MYPN: variants seen among roughly 807,000 people sequenced by gnomAD.
The protein encoded by MYPN is sarcomeric protein myopalladin, 145 kDa (MYOP).
MYPN carries 63 observed loss-of-function variants against 129.4 expected under a neutral mutation model. That is an observed-to-expected ratio of 0.49 (90% confidence interval 0.40 to 0.60). The LOEUF (loss-of-function observed/expected upper bound fraction) is 0.60. Among genes scored for constraint, MYPN ranks in the 20% least tolerant of loss-of-function variants. The pLI, the probability that MYPN is intolerant of heterozygous loss-of-function variation, is 0.00. For synonymous variants in MYPN, 629 were observed against 600.9 expected (o/e 1.05, Z -0.68); for missense variants, 1,596 against 1,635.4 (o/e 0.98, Z 0.42).
chr10:68,154,460 A>G (rs979997659), intron 6 of MYPN, among the ~76,000 whole-genome samples: 2 of 152,212 alleles, frequency 1.3e-5, no homozygotes, highest in Admixed American at 1.3e-4. Flanking sequence ...CTGGGCCGGT[A>G]GTGGGATCCA....
chr10:68,138,923 C>T (rs1385843345), intron 2 of MYPN, among the ~76,000 whole-genome samples: 3 of 151,870 alleles, frequency 2.0e-5, no homozygotes, highest in African/African-American at 4.9e-5. Flanking sequence ...TTGATGACAC[C>T]ATTTTTTTAC....
upstream of MYPN, among the ~76,000 whole-genome samples, chr10:68,107,343 T>C (rs1282626492): frequency 1.6e-5 from 1 of 62,178 alleles, no homozygotes; most frequent in African/African-American, 2.2e-4. Context: ...TCTCTTTTCT[T>C]TTTTTTTTTT....
Position 68,162,853 on chromosome 10 carries a change from C to T in MYPN, c.1483+1101C>T, listed in dbSNP as rs570364431. Among the ~76,000 whole-genome samples the T allele has an allele frequency of 8.6e-4, 131 of 152,118 alleles. No individual in the cohort carries two copies. In the Middle Eastern group the frequency reaches 0.034, roughly 39 times the overall value. ...AAGGGTTTTGGAGTGGGTTGAAGAG[C>T]GGAGATCACTGGTTGGTTAAAAAGT... On this transcript the variant is annotated intron_variant, in intron 8 of 19. Coordinates refer to ENST00000358913, the MANE Select transcript of MYPN (RefSeq NM_032578.4).
upstream of MYPN, among the ~76,000 whole-genome samples, chr10:68,107,783 T>C (rs1227446323): frequency 6.6e-6 from 1 of 152,208 alleles, no homozygotes; most frequent in Non-Finnish European, 1.5e-5. Flanking sequence ...TAGTATTCTA[T>C]ACCTGGGTGA....
In MYPN at chr10:68,131,605, C is replaced by T. The variant is rs1399377749; in HGVS notation, c.902+9265C>T. On this transcript the variant is annotated intron_variant, in intron 2 of 19. Coordinates refer to ENST00000358913, the MANE Select transcript of MYPN (RefSeq NM_032578.4). Reference sequence around the variant, plus strand: ...GATAGCTTACTGTAATCTTGAACTCCCAGGTTCAGGTGATCCTCCTGCCTG... The same window carrying T: ...GATAGCTTACTGTAATCTTGAACTCTCAGGTTCAGGTGATCCTCCTGCCTG... 2.0e-5 allele frequency among the ~76,000 whole-genome samples: 3 copies of T among 152,112 alleles called. No individual in the cohort carries two copies. The East Asian group carries it at 5.8e-4, about 29-fold the overall frequency.
rs759234608 is a variant in MYPN at position 68,165,798 on chromosome 10, T to C, written c.1580T>C (p.Ile527Thr). The change falls in exon 9 of 20, where the codon ATT becomes ACT. Residue 527 changes from isoleucine to threonine, a missense_variant. Transcript: ENST00000358913. ...ASNKYGTVSS[I>T]AQLHVRGNED... ...AACAAATACGGCACAGTGTCAAGCA[T>C]TGCACAGCTGCACGTGAGAGGTAAG... 1.9e-6 allele frequency: 3 copies of C among 1,614,082 alleles called. No individual in the cohort carries two copies. Among genetic ancestry groups the C allele is most frequent in the South Asian group, 1.1e-5 (1 of 91,090 alleles).
At chr10:68,104,473 AATAATT>A (rs2041997580), upstream of MYPN, among the ~76,000 whole-genome samples, 1 of 152,230 alleles carries the variant, frequency 6.6e-6, no homozygotes, top group South Asian at 2.1e-4. Flanking sequence ...ATTTCAGCAC[AATAATT>A]ATAACAAATA....
rs140063470 is a variant in MYPN at position 68,166,532 on chromosome 10, C to G, written c.1839C>G (p.Ser613=). ...PEDDKGSEAS[S]EAGVVTTRQT... is the part of the protein sequence containing the mutation. Reference sequence around the variant, plus strand: ...ATGACAAAGGAAGTGAAGCATCCTCCGAGGCTGGTGTGGTGACCACCAGAC... The same window carrying G: ...ATGACAAAGGAAGTGAAGCATCCTCGGAGGCTGGTGTGGTGACCACCAGAC... The change falls in exon 10 of 20, where the codon TCC becomes TCG. Residue 613 remains serine (S), a synonymous_variant. Coordinates refer to ENST00000358913, the MANE Select transcript of MYPN (RefSeq NM_032578.4). 2 of 1,614,112 alleles carry G rather than the reference C, an allele frequency of 1.2e-6. No individual in the cohort carries two copies. Among genetic ancestry groups the G allele is most frequent in the South Asian group, 2.2e-5 (2 of 91,074 alleles).
intron 12 of MYPN, among the ~76,000 whole-genome samples, chr10:68,178,674 T>C (rs1267400708): frequency 7.0e-6 from 1 of 143,582 alleles, no homozygotes; most frequent in Non-Finnish European, 1.5e-5. Flanking sequence ...GATCATGCCA[T>C]TGAGCTCCAG....
In MYPN at chr10:68,201,944, C is replaced by A. The variant is rs2134311623; in HGVS notation, c.3609C>A (p.Phe1203Leu). The A allele has an allele frequency of 6.2e-7, 1 of 1,614,110 alleles. No individual in the cohort carries two copies. Among genetic ancestry groups the A allele is most frequent in the Non-Finnish European group, 8.5e-7 (1 of 1,180,022 alleles). The change falls in exon 18 of 20, where the codon TTC becomes TTA. Residue 1203 changes from phenylalanine (F) to leucine (L), a missense_variant. Physicochemically the swap from Phe to Leu is conservative, Grantham distance 22 (BLOSUM62 0). Transcript: ENST00000358913. ...CRVIGMPPPV[F>L]YWKKDNETIP... The stretch of plus-strand genomic sequence containing the variant: ...TGATAGGCATGCCCCCACCTGTGTT[C>A]TACTGGAAGAAAGACAATGAGACCA...
chr10:68,156,749 C>T (rs531134054), intron 6 of MYPN, among the ~76,000 whole-genome samples: 21 of 152,250 alleles, frequency 1.4e-4, no homozygotes, highest in African/African-American at 4.8e-4. Context: ...ACGAAATATT[C>T]GTAACAGCGA....
intron 3 of MYPN, 94 bp from the exon 4 acceptor site, chr10:68,145,381 C>A: frequency 9.8e-7 from 1 of 1,018,678 alleles, no homozygotes; most frequent in South Asian, 1.3e-5. Flanking sequence ...ATCAGGTAAA[C>A]AAAGTATCAT....
intron 1 of MYPN, among the ~76,000 whole-genome samples, chr10:68,089,324 G>C (rs2041920227): frequency 6.6e-6 from 1 of 151,866 alleles, no homozygotes; most frequent in African/African-American, 2.4e-5. Flanking sequence ...GAGCCACTTT[G>C]CCTGGCCTGT....
intron 2 of MYPN, among the ~76,000 whole-genome samples, chr10:68,131,936 G>A (rs981664765): frequency 6.6e-6 from 1 of 151,994 alleles, no homozygotes; most frequent in African/African-American, 2.4e-5. Context: ...TTCAACAACC[G>A]CTAAATTTAT....
Position 68,143,074 on chromosome 10 carries a change from T to A in MYPN, c.1037T>A (p.Ile346Asn). 6.2e-7 allele frequency: 1 copy of A among 1,614,150 alleles called. No homozygotes were observed. The highest frequency in any genetic ancestry group is 1.1e-5 in the South Asian group (1 of 91,086). ...CGCTATTCCTGCTTTGCTTCTAACA[T>A]CTATGGGACAGATTCGACTTCTGCT... ...TGRYSCFASNIYGTDSTSAEI... is the reference protein window; with the variant it reads ...TGRYSCFASNNYGTDSTSAEI... The change falls in exon 3 of 20, where the codon ATC becomes AAC. Residue 346 changes from isoleucine (I) to asparagine (N), a missense_variant. Ile to Asn is a moderately radical substitution (Grantham distance 149). Coordinates refer to ENST00000358913, the MANE Select transcript of MYPN (RefSeq NM_032578.4).
intron 2 of MYPN, among the ~76,000 whole-genome samples, chr10:68,135,034 C>A (rs776091401): frequency 8.5e-5 from 13 of 152,124 alleles, no homozygotes; most frequent in Non-Finnish European, 1.0e-4. Context: ...TCACTGCAAC[C>A]TTTGTCTCCT....
At chr10:68,109,248 CA>C (rs58795025), upstream of MYPN, 12,455 of 175,462 alleles carry the variant, frequency 0.071, 1,256 homozygotes, top group African/African-American at 0.24. Context: ...AAAATAATGC[CA>C]TTTTTTTGAA....
intron 7 of MYPN, 80 bp from the exon 8 acceptor site, chr10:68,161,649 A>ATTCTATAG (rs1196565852): frequency 2.6e-6 from 3 of 1,155,762 alleles, no homozygotes; most frequent in Non-Finnish European, 3.9e-6. Context: ...AGACTGTGAA[A>ATTCTATAG]TTCTATAGGA....
rs183295056 is a variant in MYPN, at chr10:68,124,528, T to G, written c.902+2188T>G. Among the ~76,000 whole-genome samples, 27 of 152,202 alleles carry G rather than the reference T, an allele frequency of 1.8e-4. No individual in the cohort carries two copies. The East Asian group carries it at 1.9e-3, about 11-fold the overall frequency. ...CAAGGGATTCTGGCCCAAAGACATATTCATATATTGATTTTTGCTTTTCAA... is the reference window on the plus strand; with the variant it reads ...CAAGGGATTCTGGCCCAAAGACATAGTCATATATTGATTTTTGCTTTTCAA... On this transcript the variant is annotated intron_variant, in intron 2 of 19. Transcript: ENST00000358913.
Sources: allele counts gnomAD v4.1 joint callset (sites outside exome capture counted in the v4.1 genomes callset), GRCh38; gene constraint gnomAD v4.1.1; transcripts MANE v1.5; gene names NCBI Gene and HGNC (gene_info 2026-07-23, HGNC 2026-07-21).